UBE2E2: variants seen among roughly 807,000 people sequenced by gnomAD.
UBE2E2 encodes ubiquitin conjugating enzyme E2 E2.
In UBE2E2, 6 loss-of-function variants were observed where a neutral mutation model predicts 24.7. That is an observed-to-expected ratio of 0.24 (90% CI 0.13 to 0.48). UBE2E2 has a LOEUF of 0.48. Among genes scored for constraint, UBE2E2 ranks in the 20% least tolerant of loss-of-function variants. UBE2E2 has a pLI of 0.99. For missense variants in UBE2E2, 169 were observed against 245.0 expected, an observed-to-expected ratio of 0.69 and a Z score of 2.07; for synonymous variants, 104 against 83.6, an observed-to-expected ratio of 1.24 and a Z score of -1.33.
chr3:23,498,493 T>C (rs972089819), intron 3 of UBE2E2, among the ~76,000 whole-genome samples: 1 of 152,246 alleles, frequency 6.6e-6, no homozygotes, highest in African/African-American at 2.4e-5. Flanking sequence ...ATTGGAATTA[T>C]GATGAATCAA....
At chr3:23,248,196 T>C (rs557454658) in intron 3 of UBE2E2, among the ~76,000 whole-genome samples, 1 of 152,314 alleles carries the variant, frequency 6.6e-6, no homozygotes, top group East Asian at 1.9e-4. Context: ...TTTCTGTAGA[T>C]GATTTGATCA....
chr3:23,511,101 G>A (rs2055310), intron 4 of UBE2E2, among the ~76,000 whole-genome samples: 80,888 of 152,012 alleles, frequency 0.53, 22,091 homozygotes, highest in East Asian at 0.73. Context: ...TCAAGGTATG[G>A]TAGAATAGGA....
intron 3 of UBE2E2, among the ~76,000 whole-genome samples, chr3:23,224,637 C>G (rs1285306881): frequency 1.3e-5 from 2 of 151,910 alleles, no homozygotes; most frequent in African/African-American, 4.8e-5. Flanking sequence ...TTTGGATGCC[C>G]TTTATTTCTT....
intron 3 of UBE2E2, among the ~76,000 whole-genome samples, chr3:23,438,983 G>T (rs773569423): frequency 6.6e-6 from 1 of 152,118 alleles, no homozygotes; most frequent in African/African-American, 2.4e-5. Context: ...AACTATTGTT[G>T]TCTTTATTTT....
chr3:23,393,649 A>G (rs1236448175), intron 3 of UBE2E2, among the ~76,000 whole-genome samples: 2 of 152,146 alleles, frequency 1.3e-5, no homozygotes, highest in Non-Finnish European at 2.9e-5. Context: ...CAAGCCAAGG[A>G]CTTAATTTTA....
chr3:23,268,814 T>C (rs1334970988), intron 3 of UBE2E2, among the ~76,000 whole-genome samples: 3 of 151,418 alleles, frequency 2.0e-5, no homozygotes, highest in African/African-American at 7.3e-5. Flanking sequence ...ACTACAAGGC[T>C]ACAGTAACCA....
chr3:23,311,306 C>T (rs953199326), intron 3 of UBE2E2, among the ~76,000 whole-genome samples: 8 of 152,086 alleles, frequency 5.3e-5, no homozygotes, highest in South Asian at 2.1e-4. Context: ...TGAATAGTGC[C>T]GCAATAAACA....
At chr3:23,523,208 T>C (rs1274180686) in intron 4 of UBE2E2, among the ~76,000 whole-genome samples, 3 of 152,228 alleles carry the variant, frequency 2.0e-5, no homozygotes, top group Non-Finnish European at 4.4e-5. Flanking sequence ...TTGCCCCTTA[T>C]CAAGTCATAC....
chr3:23,290,856 A>G (rs1045029265), intron 3 of UBE2E2, among the ~76,000 whole-genome samples: 3 of 147,702 alleles, frequency 2.0e-5, no homozygotes, highest in African/African-American at 5.0e-5. Context: ...GGAGTTCAAC[A>G]TCAGCCTGGG....
intron 3 of UBE2E2, among the ~76,000 whole-genome samples, chr3:23,416,639 A>G (rs1697641128): frequency 6.6e-6 from 1 of 152,116 alleles, no homozygotes; most frequent in African/African-American, 2.4e-5. Flanking sequence ...AATATCCTGC[A>G]GTGTTTTCCA....
intron 4 of UBE2E2, among the ~76,000 whole-genome samples, chr3:23,516,795 A>G (rs1048199259): frequency 1.3e-5 from 2 of 152,154 alleles, no homozygotes; most frequent in African/African-American, 4.8e-5. Flanking sequence ...CATACCTGAG[A>G]AATGAGTCTT....
intron 3 of UBE2E2, among the ~76,000 whole-genome samples, chr3:23,258,116 A>G (rs895656545): frequency 6.6e-6 from 1 of 152,356 alleles, no homozygotes; most frequent in South Asian, 2.1e-4. Context: ...TTGGAATGCT[A>G]GCAGGATGGA....
chr3:23,539,708 T>A (rs1348875946), intron 5 of UBE2E2, among the ~76,000 whole-genome samples: 3 of 152,308 alleles, frequency 2.0e-5, no homozygotes, highest in East Asian at 1.9e-4. Flanking sequence ...GTTACAGAGT[T>A]GTTCACGCAT....
intron 4 of UBE2E2, among the ~76,000 whole-genome samples, chr3:23,501,416 C>G (rs1699718031): frequency 6.6e-6 from 1 of 152,174 alleles, no homozygotes; most frequent in Non-Finnish European, 1.5e-5. Context: ...CTCCAGAACA[C>G]TCCAGTAAGA....
At chr3:23,261,119 A>G (rs893521638) in intron 3 of UBE2E2, among the ~76,000 whole-genome samples, 9 of 152,134 alleles carry the variant, frequency 5.9e-5, no homozygotes, top group Non-Finnish European at 1.3e-4. Context: ...ATTAAAAAGG[A>G]AAAAAAGAAA....
intron 4 of UBE2E2, among the ~76,000 whole-genome samples, chr3:23,511,288 A>G (rs905799931): frequency 1.4e-4 from 21 of 152,356 alleles, no homozygotes; most frequent in Middle Eastern, 3.4e-3. Flanking sequence ...GTTGCCAAGT[A>G]TACCCTGAAG....
chr3:23,322,767 C>T (rs929592174), intron 3 of UBE2E2, among the ~76,000 whole-genome samples: 5 of 151,860 alleles, frequency 3.3e-5, no homozygotes, highest in African/African-American at 7.3e-5. Flanking sequence ...TGAAGCAGTG[C>T]GTAGTATTTT....
At chr3:23,504,730 C>G (rs771930164) in intron 4 of UBE2E2, among the ~76,000 whole-genome samples, 3 of 151,970 alleles carry the variant, frequency 2.0e-5, no homozygotes. Context: ...CTCATTATTT[C>G]TTTTCGTGAA....
At chr3:23,400,246 T>C (rs1263565434) in intron 3 of UBE2E2, among the ~76,000 whole-genome samples, 3 of 152,218 alleles carry the variant, frequency 2.0e-5, no homozygotes, top group Non-Finnish European at 2.9e-5. Context: ...TAAACATTCC[T>C]ACAGACTAGA....
Sources: gnomAD v4.1 joint callset for allele counts (sites outside exome capture counted in the v4.1 genomes callset) on GRCh38, gnomAD v4.1.1 for gene constraint, MANE v1.5 for transcripts, NCBI Gene and HGNC (gene_info 2026-07-23, HGNC 2026-07-21) for gene names.